Variants in TFEC observed in about 807,000 individuals in gnomAD.
TFEC encodes the protein transcription factor EC.
A neutral mutation model predicts 41.6 loss-of-function variants in TFEC; 31 were observed. The observed-to-expected ratio is 0.74, with a 90% confidence interval of 0.56 to 1.01. The LOEUF is 1.01. Among genes scored for constraint, TFEC ranks in the 50% least tolerant of loss-of-function variants. The probability of loss-of-function intolerance (pLI) is 0.00; values close to 1 mark genes in which losing one functional copy is unlikely to be tolerated. For missense variants in TFEC, 402 were observed against 404.1 expected (o/e 0.99, Z 0.04); for synonymous variants, 143 against 140.6 (o/e 1.02, Z -0.12).
In TFEC at chr7:115,937,811, A is replaced by AT. The variant is rs1169780111; in HGVS notation, c.*2739_*2740insA. ...AATTTTTCACTTGGGATCCAAGAAA[A>AT]CATTCAGGAGATCCCTAAGATCTCT... On this transcript the variant is annotated 3_prime_UTR_variant, in exon 8 of 8. Transcript: ENST00000265440. The AT allele has an allele frequency of 6.6e-6, 1 of 151,700 alleles. No individual in the cohort carries two copies. The highest frequency in any genetic ancestry group is 2.4e-5 in the African/African-American group (1 of 41,348). 9.4% of individuals were successfully genotyped at this position (151,700 alleles called of 1,614,324 possible). A position where few individuals can be genotyped will look rare whatever the true frequency, so the allele number is the denominator to read the frequency against.
intron 3 of TFEC, among the ~76,000 whole-genome samples, chr7:116,053,735 G>T (rs1196895679): frequency 6.6e-6 from 1 of 152,186 alleles, no homozygotes; most frequent in Non-Finnish European, 1.5e-5. Context: ...GGACTCTCTA[G>T]AAATTTCCAC....
chr7:116,081,612 C>T (rs1349307048), intron 3 of TFEC, among the ~76,000 whole-genome samples: 1 of 152,030 alleles, frequency 6.6e-6, no homozygotes, highest in Non-Finnish European at 1.5e-5. Flanking sequence ...ACTGCCTACA[C>T]ACTCGTCTTC....
chr7:116,062,030 C>G (rs1373703626), intron 3 of TFEC, among the ~76,000 whole-genome samples: 2 of 151,054 alleles, frequency 1.3e-5, no homozygotes, highest in Non-Finnish European at 3.0e-5. Flanking sequence ...TCCTTCCCAT[C>G]CCTTCCCCTA....
intron 3 of TFEC, among the ~76,000 whole-genome samples, chr7:115,959,715 T>C (rs1376218331): frequency 2.0e-5 from 3 of 150,440 alleles, no homozygotes; most frequent in African/African-American, 7.3e-5. Flanking sequence ...TCCTATAGAA[T>C]GGAAAAATAA....
intron 2 of TFEC, among the ~76,000 whole-genome samples, chr7:115,982,241 C>T (rs1793662272): frequency 6.6e-6 from 1 of 151,534 alleles, no homozygotes; most frequent in African/African-American, 2.4e-5. Flanking sequence ...AAGATGGCAA[C>T]AGACACCATC....
intron 3 of TFEC, among the ~76,000 whole-genome samples, chr7:116,045,268 G>A (rs1017066285): frequency 6.6e-6 from 1 of 152,250 alleles, no homozygotes; most frequent in South Asian, 2.1e-4. Context: ...ATGGAGCAAA[G>A]GTGACTCTTG....
At position 116,155,379 on chromosome 7, in the gene TFEC, T is replaced by C. The variant is rs1462766504; in HGVS notation, c.-69+4411A>G. Among the ~76,000 whole-genome samples the C allele has an allele frequency of 2.0e-5, 3 of 152,306 alleles. No individual in the cohort carries two copies. In the South Asian group the frequency reaches 6.2e-4, roughly 32 times the overall value. ...CGAAGGACTATTTTACAAAAGGCAA[T>C]TTCTCGCTATGCTACAGTTGACATA... On this transcript the variant is annotated intron_variant, in intron 1 of 8. Coordinates refer to the TFEC transcript ENST00000484212.
At chr7:115,952,128 T>G (rs576377124) in intron 5 of TFEC, among the ~76,000 whole-genome samples, 20 of 152,238 alleles carry the variant, frequency 1.3e-4, no homozygotes, top group Non-Finnish European at 2.6e-4. Context: ...GTGAACTTAC[T>G]CTACAAAGCA....
In TFEC at chr7:116,109,023, G is replaced by C. The variant is rs984029663; in HGVS notation, c.198+1685C>G. Among the ~76,000 whole-genome samples, 9 of 151,784 alleles carry C rather than the reference G, an allele frequency of 5.9e-5. No individual in the cohort carries two copies. The East Asian group carries it at 1.6e-3, about 26-fold the overall frequency. Reference sequence around the variant, plus strand: ...GCTGGGAAAACTGGCTAGCCATATGGAGAAAGCTGAAACTGGATCCCTTCC... The same window carrying C: ...GCTGGGAAAACTGGCTAGCCATATGCAGAAAGCTGAAACTGGATCCCTTCC... On this transcript the variant is annotated intron_variant, in intron 3 of 8. Transcript: ENST00000484212.
intron 3 of TFEC, among the ~76,000 whole-genome samples, chr7:116,076,089 C>T (rs1298023700): frequency 7.9e-5 from 12 of 152,326 alleles, no homozygotes; most frequent in Admixed American, 3.9e-4. Flanking sequence ...AGATGGGTCA[C>T]ATCACAGGAC....
At position 116,016,479 on chromosome 7, in the gene TFEC, T is replaced by C. The variant is rs748273986; in HGVS notation, c.-73+14154A>G. Among the ~76,000 whole-genome samples, 6 of 152,180 alleles carry C rather than the reference T, an allele frequency of 3.9e-5. No homozygotes were observed. In the South Asian group the frequency reaches 1.0e-3, roughly 26 times the overall value. On this transcript the variant is annotated intron_variant, in intron 1 of 7. Transcript: ENST00000265440. The stretch of plus-strand genomic sequence containing the variant: ...CTCTGTGTGAGGATGGAAGCTCACA[T>C]GCAGTGACTTGAACAGTGAATTGGG...
chr7:116,099,619 C>T (rs1442108669), intron 3 of TFEC, among the ~76,000 whole-genome samples: 1 of 152,190 alleles, frequency 6.6e-6, no homozygotes, highest in Non-Finnish European at 1.5e-5. Context: ...ATCAGTCAGT[C>T]TCAAACAAGA....
chr7:116,111,023 T>C, intron 2 of TFEC: 1 of 554,052 alleles, frequency 1.8e-6, no homozygotes, highest in Non-Finnish European at 2.8e-6. Context: ...ATTTAGTAAA[T>C]GATAAGGGAG....
chr7:116,091,080 G>A (rs552039661), intron 3 of TFEC, among the ~76,000 whole-genome samples: 132 of 152,090 alleles, frequency 8.7e-4, no homozygotes, highest in African/African-American at 3.0e-3. Flanking sequence ...AAACCTGCAC[G>A]TTCTGCGCAT....
chr7:116,072,572 G>T (rs1390773320), intron 3 of TFEC, among the ~76,000 whole-genome samples: 1 of 151,578 alleles, frequency 6.6e-6, no homozygotes, highest in Non-Finnish European at 1.5e-5. Flanking sequence ...TACTTTTGTG[G>T]CTGGGACCAT....
intron 3 of TFEC, among the ~76,000 whole-genome samples, chr7:116,051,530 C>A (rs1796311805): frequency 1.3e-5 from 2 of 152,138 alleles, no homozygotes; most frequent in African/African-American, 4.8e-5. Flanking sequence ...AGCAATCCAA[C>A]AAGAATTGTT....
At chr7:116,049,893 G>A (rs1051824405) in intron 3 of TFEC, among the ~76,000 whole-genome samples, 6 of 152,144 alleles carry the variant, frequency 3.9e-5, no homozygotes, top group South Asian at 2.1e-4. Flanking sequence ...GGTACACAAC[G>A]AAATGAAGGC....
At chr7:115,977,060 A>G (rs1293162451) in intron 2 of TFEC, among the ~76,000 whole-genome samples, 2 of 152,010 alleles carry the variant, frequency 1.3e-5, no homozygotes, top group African/African-American at 4.8e-5. Flanking sequence ...CAGTTTTACC[A>G]TTATCTTAAT....
rs546742124 is a variant in TFEC at position 116,123,123 on chromosome 7, A to G, written c.-68-11085T>C. ...GGATTGTGTGAAACAAAAACAAGCA[A>G]TTGCTGAACTCACATTTTTTTAAAA... On this transcript the variant is annotated intron_variant, in intron 1 of 8. Transcript: ENST00000484212. Among the ~76,000 whole-genome samples the G allele has an allele frequency of 2.4e-4, 36 of 152,236 alleles. 2 individuals are homozygous for G. In the South Asian group the frequency reaches 3.9e-3, roughly 17 times the overall value.
Sources: gnomAD v4.1 joint callset for allele counts (sites outside exome capture counted in the v4.1 genomes callset) on GRCh38, gnomAD v4.1.1 for gene constraint, MANE v1.5 for transcripts, NCBI Gene and HGNC (gene_info 2026-07-23, HGNC 2026-07-21) for gene names.